The following ARHGAP29 variants were observed in gnomAD, a reference collection of about 807,000 sequenced individuals.
The protein encoded by ARHGAP29 is Rho GTPase activating protein 29.
In ARHGAP29, 43 loss-of-function variants were observed where a neutral mutation model predicts 122.6. That is an observed-to-expected ratio of 0.35 (90% confidence interval 0.27 to 0.45). The LOEUF (loss-of-function observed/expected upper bound fraction) is 0.45, where lower values mean the gene tolerates loss of function less well. Among genes scored for constraint, ARHGAP29 ranks in the 20% least tolerant of loss-of-function variants. ARHGAP29 has a pLI of 1.00. For missense variants in ARHGAP29, 1,303 were observed against 1,477.2 expected (o/e 0.88, Z 1.93); for synonymous variants, 506 against 497.1 (o/e 1.02, Z -0.24).
intron 1 of ARHGAP29, among the ~76,000 whole-genome samples, chr1:94,268,488 T>C (rs1024994684): frequency 1.3e-5 from 2 of 152,182 alleles, no homozygotes; most frequent in Non-Finnish European, 2.9e-5. Context: ...CTGTCTAATA[T>C]ACTGCATACT....
chr1:94,276,764 G>C (rs1411130717), upstream of ARHGAP29, among the ~76,000 whole-genome samples: 1 of 106,456 alleles, frequency 9.4e-6, no homozygotes, highest in Non-Finnish European at 1.7e-5. Context: ...CTGGGTGACA[G>C]AGTGAGACCC....
At position 94,220,085 on chromosome 1, in the gene ARHGAP29, C is replaced by T. The variant is rs1218921269; in HGVS notation, c.340+173G>A. Among the ~76,000 whole-genome samples, 6 of 152,288 alleles carry T rather than the reference C, an allele frequency of 3.9e-5. No individual in the cohort carries two copies. In the South Asian group the frequency reaches 1.2e-3, roughly 32 times the overall value. On this transcript the variant is annotated intron_variant, in intron 3 of 22. Coordinates refer to ENST00000260526, the MANE Select transcript of ARHGAP29 (RefSeq NM_004815.4). ...AAGTTAGTTTTTAAAAGGAAGAAAG[C>T]TTTAGGTGTGACTTAGTGGGAATAT... is the stretch of plus-strand genomic sequence containing the variant.
At chr1:94,305,873 A>T in the ARHGAP29 span, among the ~76,000 whole-genome samples, 1 of 152,214 alleles carries the variant, frequency 6.6e-6, no homozygotes, top group Non-Finnish European at 1.5e-5. Flanking sequence ...AATCATACAT[A>T]TGATACATGA....
intron 12 of ARHGAP29, among the ~76,000 whole-genome samples, chr1:94,196,451 C>G (rs561560429): frequency 6.6e-6 from 1 of 150,892 alleles, no homozygotes; most frequent in East Asian, 1.9e-4. Flanking sequence ...TTAGTAGAGA[C>G]GGGGTTTCAC....
chr1:94,184,331 T>C (rs369213505), intron 18 of ARHGAP29, 43 bp from the exon 19 acceptor site: 67 of 1,431,708 alleles, frequency 4.7e-5, no homozygotes, highest in Non-Finnish European at 5.8e-5. Flanking sequence ...TCTTCTTTAG[T>C]ACAAATGGCT....
At chr1:94,194,825 G>A (rs1438218942) in intron 12 of ARHGAP29, 2 of 152,164 alleles carry the variant, frequency 1.3e-5, no homozygotes, top group Non-Finnish European at 2.9e-5. Flanking sequence ...AATGCTAAAT[G>A]ATCTCAAAAA....
Position 94,183,985 on chromosome 1 carries a change from T to C in ARHGAP29, c.2247+166A>G, listed in dbSNP as rs186541888. ...AGTTTGTTTTTATTTTTCTTTAAAT[T>C]GTACATGTATTTCATATACTCTGAC... On this transcript the variant is annotated intron_variant, in intron 19 of 22. Coordinates refer to ENST00000260526, the MANE Select transcript of ARHGAP29 (RefSeq NM_004815.4). Among the ~76,000 whole-genome samples, 16 of 152,304 alleles carry C rather than the reference T, an allele frequency of 1.1e-4. No individual in the cohort carries two copies. The East Asian group carries it at 2.5e-3, about 24-fold the overall frequency.
Position 94,205,343 on chromosome 1 carries a change from C to T in ARHGAP29, c.560-145G>A, listed in dbSNP as rs573725600. On this transcript the variant is annotated intron_variant, in intron 6 of 22. Coordinates refer to ENST00000260526, the MANE Select transcript of ARHGAP29 (RefSeq NM_004815.4). ...AAGTGACAAATTTACAATTAAAAGG[C>T]CAGAGTTTAAACTTAAAATGGTTTC... is the stretch of plus-strand genomic sequence containing the variant. 1.7e-5 allele frequency: 11 copies of T among 661,072 alleles called. No homozygotes were observed. In the South Asian group the frequency reaches 3.5e-4, roughly 21 times the overall value. 41.0% of individuals were successfully genotyped at this position (661,072 alleles called of 1,614,324 possible). A position where few individuals can be genotyped will look rare whatever the true frequency, so the allele number is the denominator to read the frequency against.
chr1:94,247,322 T>A (rs1474523997), intron 1 of ARHGAP29, among the ~76,000 whole-genome samples: 1 of 151,788 alleles, frequency 6.6e-6, no homozygotes, highest in African/African-American at 2.4e-5. Context: ...GGGAGGAAAG[T>A]CCACCCGGCC....
chr1:94,302,598 T>C, the ARHGAP29 span: 1 of 380,194 alleles, frequency 2.6e-6, no homozygotes, highest in Non-Finnish European at 5.2e-6. Context: ...TCTGGGAAAC[T>C]GTGGTGTGAT....
chr1:94,211,144 G>C (rs1023548817), intron 3 of ARHGAP29, among the ~76,000 whole-genome samples: 1 of 151,482 alleles, frequency 6.6e-6, no homozygotes, highest in African/African-American at 2.4e-5. Context: ...AAATTAGCCA[G>C]GCAATGGTGA....
chr1:94,221,270 G>A lies in ARHGAP29; in HGVS notation c.206-878C>T, dbSNP rs115725561. ...ATAATCACCCTACCTTTAAAACCCCGAAGTAATCCTCAAAAGTCTGACAAG... is the reference window on the plus strand; with the variant it reads ...ATAATCACCCTACCTTTAAAACCCCAAAGTAATCCTCAAAAGTCTGACAAG... On this transcript the variant is annotated intron_variant, in intron 2 of 22. Transcript: ENST00000260526. 3.1e-3 allele frequency among the ~76,000 whole-genome samples: 471 copies of A among 152,126 alleles called. 1 individual carries two copies. Among genetic ancestry groups the A allele is most frequent in the African/African-American group, 0.011 (446 of 41,528 alleles).
chr1:94,186,196 A>C (rs1017148122), intron 16 of ARHGAP29, among the ~76,000 whole-genome samples: 2 of 152,188 alleles, frequency 1.3e-5, no homozygotes, highest in African/African-American at 4.8e-5. Context: ...TTTAACACTA[A>C]GTCACAGTAT....
the ARHGAP29 span, among the ~76,000 whole-genome samples, chr1:94,294,921 A>AT: frequency 6.6e-6 from 1 of 152,374 alleles, no homozygotes; most frequent in Non-Finnish European, 1.5e-5. Context: ...AAATTCAATT[A>AT]TTTTGAGAAA....
rs760851987 is a variant in ARHGAP29 at position 94,177,875 on chromosome 1, A to C, written c.2773T>G (p.Ser925Ala). The change falls in exon 21 of 23, where the codon TCA (serine) becomes GCA (alanine). Residue 925 changes from serine (S) to alanine (A), a missense_variant. Ser to Ala is a moderately conservative substitution (Grantham distance 99). Transcript: ENST00000260526. The part of the protein sequence containing the change: ...EERDIERSMK[S>A]LFFSSKEDIH... ...ACTTCCTTTGAAGAAAAAAATAGTG[A>C]CTTCATGGAACGTTCAATGTCTCTT... 1 of 1,608,866 alleles carries C rather than the reference A, an allele frequency of 6.2e-7. No individual in the cohort carries two copies. The highest frequency in any genetic ancestry group is 8.5e-7 in the Non-Finnish European group (1 of 1,178,490).
chr1:94,235,298 G>T (rs1273965009), intron 1 of ARHGAP29, among the ~76,000 whole-genome samples: 2 of 152,168 alleles, frequency 1.3e-5, no homozygotes, highest in African/African-American at 4.8e-5. Flanking sequence ...CACTTTCCAA[G>T]ATCATATACA....
chr1:94,302,856 A>G, the ARHGAP29 span: 1 of 232,736 alleles, frequency 4.3e-6, no homozygotes, highest in African/African-American at 2.4e-5. Context: ...ACTGAGCACC[A>G]GGCTGTCTCC....
rs183033014 is a variant in ARHGAP29 at position 94,210,395 on chromosome 1, T to C, written c.341-1045A>G. ...GATTTCATAGGTACGTGGTGAAGAA[T>C]ATATTTTGTTGCAAGCTCTCTCATG... On this transcript the variant is annotated intron_variant, in intron 3 of 22. Coordinates refer to ENST00000260526, the MANE Select transcript of ARHGAP29 (RefSeq NM_004815.4). Among the ~76,000 whole-genome samples, 363 of 152,338 alleles carry C rather than the reference T, an allele frequency of 2.4e-3. 2 individuals are homozygous for C. Among genetic ancestry groups the C allele is most frequent in the African/African-American group, 8.4e-3 (349 of 41,570 alleles).
chr1:94,226,654 A>C (rs1404838325), intron 2 of ARHGAP29, among the ~76,000 whole-genome samples: 1 of 151,978 alleles, frequency 6.6e-6, no homozygotes, highest in Non-Finnish European at 1.5e-5. Context: ...AAATGATATA[A>C]ACCATTCTAG....
Sources: gnomAD v4.1 joint callset for allele counts (sites outside exome capture counted in the v4.1 genomes callset) on GRCh38, gnomAD v4.1.1 for gene constraint, MANE v1.5 for transcripts, NCBI Gene and HGNC (gene_info 2026-07-23, HGNC 2026-07-21) for gene names.